Variants in ZCCHC24 observed in about 807,000 individuals in gnomAD.
The protein encoded by ZCCHC24 is zinc finger CCHC domain-containing protein 24.
A neutral mutation model predicts 26.2 loss-of-function variants in ZCCHC24; 10 were observed. That is an observed-to-expected ratio of 0.38 (90% CI 0.24 to 0.65). ZCCHC24 has a LOEUF of 0.65. ZCCHC24 is among the 30% of genes least tolerant of loss of function. ZCCHC24 has a pLI of 0.54. For missense variants in ZCCHC24, 243 were observed against 329.1 expected (o/e 0.74, Z 2.03); for synonymous variants, 144 against 147.1 (o/e 0.98, Z 0.15).
intron 1 of ZCCHC24, among the ~76,000 whole-genome samples, chr10:79,438,098 TC>T (rs1255355514): frequency 6.6e-6 from 1 of 152,004 alleles, no homozygotes; most frequent in Non-Finnish European, 1.5e-5. Context: ...TGAGTCCTGC[TC>T]CCCAGGCCTG....
At chr10:79,430,474 C>T (rs1857109452) in intron 2 of ZCCHC24, among the ~76,000 whole-genome samples, 1 of 151,874 alleles carries the variant, frequency 6.6e-6, no homozygotes, top group South Asian at 2.1e-4. Context: ...GCCCTCTCCA[C>T]CTCCCCAAGA....
chr10:79,387,229 C>G (rs922588742), intron 3 of ZCCHC24, among the ~76,000 whole-genome samples: 29 of 152,186 alleles, frequency 1.9e-4, no homozygotes, highest in African/African-American at 5.3e-4. Context: ...TCCTGCCACA[C>G]ACTCACTGGG....
intron 2 of ZCCHC24, chr10:79,403,318 G>A (rs957440384): frequency 1.0e-5 from 9 of 897,386 alleles, no homozygotes; most frequent in Non-Finnish European, 1.2e-5. Flanking sequence ...ACTGAGGCTC[G>A]AGACAGGGGC....
In ZCCHC24 at chr10:79,382,925, C is replaced by G. The variant is rs552106401; in HGVS notation, c.*3420G>C. ...TGAGAGCCCTCCCACCAAGCCAAGA[C>G]GCTGGTGGACCACAGAGGGGCTGGT... On this transcript the variant is annotated 3_prime_UTR_variant, in exon 4 of 4. Coordinates refer to ENST00000372336, the MANE Select transcript of ZCCHC24 (RefSeq NM_153367.4). 3.9e-5 allele frequency: 6 copies of G among 152,710 alleles called. No homozygotes were observed. The East Asian group carries it at 1.1e-3, about 29-fold the overall frequency. The allele number at this position is 152,710 out of a possible 1,614,324, so 9.5% of individuals were successfully genotyped here. A position where few individuals can be genotyped will look rare whatever the true frequency, so the allele number is the denominator to read the frequency against.
At chr10:79,422,662 T>A (rs575696284) in intron 2 of ZCCHC24, among the ~76,000 whole-genome samples, 1 of 152,220 alleles carries the variant, frequency 6.6e-6, no homozygotes, top group Non-Finnish European at 1.5e-5. Flanking sequence ...GGGGCGATGA[T>A]TGTTTTCTGT....
At chr10:79,440,083 A>T (rs1415386172) in intron 1 of ZCCHC24, among the ~76,000 whole-genome samples, 1 of 151,642 alleles carries the variant, frequency 6.6e-6, no homozygotes, top group Non-Finnish European at 1.5e-5. Flanking sequence ...GGCTGAATAA[A>T]GAATCACATG....
intron 2 of ZCCHC24, among the ~76,000 whole-genome samples, chr10:79,416,382 C>T (rs942456286): frequency 3.9e-5 from 6 of 152,194 alleles, no homozygotes; most frequent in Admixed American, 3.9e-4. Context: ...TGAGTAATTC[C>T]TTGTCTTGCC....
At chr10:79,410,923 T>A (rs1589667253) in intron 2 of ZCCHC24, among the ~76,000 whole-genome samples, 1 of 152,116 alleles carries the variant, frequency 6.6e-6, no homozygotes, top group East Asian at 1.9e-4. Flanking sequence ...CTCCCAGGTG[T>A]GTGGCCTCAA....
chr10:79,440,539 G>A lies in ZCCHC24; in HGVS notation c.246+4656C>T, dbSNP rs375409917. On this transcript the variant is annotated intron_variant, in intron 1 of 3. Coordinates refer to ENST00000372336, the MANE Select transcript of ZCCHC24 (RefSeq NM_153367.4). ...GACCCAGAGGCTGATCCAGGGGAGA[G>A]CAAATCTGGGGACCAATTGCAGGAC... Among the ~76,000 whole-genome samples the A allele has an allele frequency of 2.0e-5, 3 of 152,194 alleles. No individual in the cohort carries two copies. In the South Asian group the frequency reaches 6.2e-4, roughly 32 times the overall value.
chr10:79,419,717 G>T lies in ZCCHC24; in HGVS notation c.447+12841C>A, dbSNP rs537362965. 1.6e-4 allele frequency among the ~76,000 whole-genome samples: 24 copies of T among 152,286 alleles called. No homozygotes were observed. In the South Asian group the frequency reaches 4.8e-3, roughly 30 times the overall value. The stretch of plus-strand genomic sequence containing the variant: ...AGAAATCAGAGAGGGCTTCCCAAAG[G>T]AGGTGACACTTGGAGCTATTCAGCT... On this transcript the variant is annotated intron_variant, in intron 2 of 3. Coordinates refer to ENST00000372336, the MANE Select transcript of ZCCHC24 (RefSeq NM_153367.4).
intron 1 of ZCCHC24, among the ~76,000 whole-genome samples, chr10:79,441,085 C>A (rs1358429035): frequency 6.7e-6 from 1 of 149,900 alleles, no homozygotes; most frequent in Non-Finnish European, 1.5e-5. Context: ...CCTAAACACA[C>A]ACACACACAC....
At chr10:79,434,847 T>C (rs747261606) in intron 1 of ZCCHC24, among the ~76,000 whole-genome samples, 2 of 152,174 alleles carry the variant, frequency 1.3e-5, no homozygotes, top group Non-Finnish European at 2.9e-5. Flanking sequence ...CCAGAACTTT[T>C]TCATCTTCTC....
rs185806483 is a variant in ZCCHC24 at position 79,388,850 on chromosome 10, C to A, written c.613-2392G>T. On this transcript the variant is annotated intron_variant, in intron 3 of 3. Transcript: ENST00000372336. ...CACAGATATATGGGGAAGGGAGTTTCCACAGATGAGGCAACTGAGGCTCCA... is the reference window on the plus strand; with the variant it reads ...CACAGATATATGGGGAAGGGAGTTTACACAGATGAGGCAACTGAGGCTCCA... Among the ~76,000 whole-genome samples, 104 of 152,324 alleles carry A rather than the reference C, an allele frequency of 6.8e-4. 1 individual carries two copies. Among genetic ancestry groups the A allele is most frequent in the Non-Finnish European group, 1.3e-3 (86 of 68,026 alleles).
chr10:79,444,083 T>C (rs1184606430), intron 1 of ZCCHC24: 1 of 1,540,574 alleles, frequency 6.5e-7, no homozygotes, highest in South Asian at 1.2e-5. Flanking sequence ...TTCAGGACTC[T>C]GACTCTCCTA....
intron 2 of ZCCHC24, among the ~76,000 whole-genome samples, chr10:79,410,235 T>A (rs1856772132): frequency 6.6e-6 from 1 of 152,260 alleles, no homozygotes; most frequent in Admixed American, 6.5e-5. Flanking sequence ...GAATATGACC[T>A]GCCACCATAG....
chr10:79,424,926 A>G (rs1334581417), intron 2 of ZCCHC24, among the ~76,000 whole-genome samples: 2 of 151,948 alleles, frequency 1.3e-5, no homozygotes, highest in Non-Finnish European at 2.9e-5. Context: ...AGTAAACCTC[A>G]CCACAGCCCT....
At chr10:79,414,814 C>A (rs1001968797) in intron 2 of ZCCHC24, among the ~76,000 whole-genome samples, 12 of 151,770 alleles carry the variant, frequency 7.9e-5, no homozygotes, top group Non-Finnish European at 1.3e-4. Flanking sequence ...AAACCAAAAC[C>A]AAAAAAAACC....
chr10:79,428,048 C>T (rs1046315221), intron 2 of ZCCHC24, among the ~76,000 whole-genome samples: 17 of 152,258 alleles, frequency 1.1e-4, no homozygotes, highest in East Asian at 7.7e-4. Context: ...GAATTGAAAG[C>T]GAGCAAAGAT....
chr10:79,397,062 G>A (rs1451919578), intron 2 of ZCCHC24, among the ~76,000 whole-genome samples: 1 of 152,184 alleles, frequency 6.6e-6, no homozygotes, highest in Non-Finnish European at 1.5e-5. Flanking sequence ...ATGCCTCTTT[G>A]TCCCAGGCGC....
Sources: allele counts gnomAD v4.1 joint callset (sites outside exome capture counted in the v4.1 genomes callset), GRCh38; gene constraint gnomAD v4.1.1; transcripts MANE v1.5; gene names NCBI Gene and HGNC (gene_info 2026-07-23, HGNC 2026-07-21).